PIGN: variants seen among roughly 807,000 people sequenced by gnomAD.
PIGN encodes the protein phosphatidylinositol glycan anchor biosynthesis class N.
Under a neutral mutation model 125.4 loss-of-function variants are expected in PIGN, and 117 were observed. That is an observed-to-expected ratio of 0.93 (90% CI 0.80 to 1.09). PIGN has a LOEUF of 1.09. Ranked by LOEUF, PIGN falls within the 50% of genes least tolerant of loss-of-function variation. The pLI, the probability that PIGN is intolerant of heterozygous loss-of-function variation, is 0.00. For synonymous variants in PIGN, 392 were observed against 377.8 expected, an observed-to-expected ratio of 1.04 and a Z score of -0.44; for missense variants, 1,075 against 1,094.9, an observed-to-expected ratio of 0.98 and a Z score of 0.26.
chr18:62,097,073 G>A (rs1310890288), intron 22 of PIGN, among the ~76,000 whole-genome samples: 1 of 151,164 alleles, frequency 6.6e-6, no homozygotes, highest in Non-Finnish European at 1.5e-5. Flanking sequence ...ATTGACAAAT[G>A]GGATCTAATT....
rs546159186 is a variant in PIGN at position 62,172,713 on chromosome 18, A to G, written c.-235-9057T>C. Among the ~76,000 whole-genome samples the G allele has an allele frequency of 2.0e-5, 3 of 152,342 alleles. No homozygotes were observed. The East Asian group carries it at 5.8e-4, about 29-fold the overall frequency. On this transcript the variant is annotated intron_variant, in intron 1 of 30. Coordinates refer to ENST00000640252, the MANE Select transcript of PIGN (RefSeq NM_176787.5). ...ACTGCACTGCTTTGCTAAGTTAAGTATCAAAGTTTATGTGTTAAAAGATAA... is the reference window on the plus strand; with the variant it reads ...ACTGCACTGCTTTGCTAAGTTAAGTGTCAAAGTTTATGTGTTAAAAGATAA...
intron 30 of PIGN, among the ~76,000 whole-genome samples, chr18:62,057,359 C>T (rs1340072151): frequency 6.6e-6 from 1 of 152,184 alleles, no homozygotes; most frequent in Non-Finnish European, 1.5e-5. Flanking sequence ...CTCAGTTACT[C>T]AAGATTAAAA....
Position 62,063,208 on chromosome 18 carries a change from T to TCCAAAATCTATGGTTTTATAGATTTTAG in PIGN, c.2672+9464_2672+9465insCTAAAATCTATAAAACCATAGATTTTGG, listed in dbSNP as rs1568131889. On this transcript the variant is annotated intron_variant, in intron 30 of 30. Coordinates refer to ENST00000640252, the MANE Select transcript of PIGN (RefSeq NM_176787.5). ...AGGCTATTTTCTAGAAATTTCTTTATCCAAAATCTATGGTTTTATAGATTT... is the reference window on the plus strand; with the variant it reads ...AGGCTATTTTCTAGAAATTTCTTTATCCAAAATCTATGGTTTTATAGATTTTAGCCAAAATCTATGGTTTTATAGATTT... 1.4e-4 allele frequency among the ~76,000 whole-genome samples: 20 copies of TCCAAAATCTATGGTTTTATAGATTTTAG among 147,310 alleles called. 1 individual carries two copies. Among genetic ancestry groups the TCCAAAATCTATGGTTTTATAGATTTTAG allele is most frequent in the Admixed American group, 6.7e-5 (1 of 14,958 alleles).
intron 1 of PIGN, among the ~76,000 whole-genome samples, chr18:62,172,289 T>C (rs1015457271): frequency 6.6e-6 from 1 of 152,170 alleles, no homozygotes; most frequent in African/African-American, 2.4e-5. Context: ...CTTTTTCCTG[T>C]CCTGCAGTCC....
intron 14 of PIGN, chr18:62,118,482 A>C (rs2035172350): frequency 6.6e-6 from 1 of 152,104 alleles, no homozygotes; most frequent in Non-Finnish European, 1.5e-5. Context: ...AATTCTACAA[A>C]CTGTAACTCT....
rs552950894 is a variant in PIGN at position 62,029,109 on chromosome 18, C to T, written c.2143-11368G>A. On this transcript the variant is annotated intron_variant, in intron 23 of 24. Transcript: ENST00000639600. Reference sequence around the variant, plus strand: ...GCCTTCCATCTCTTTGTCTTCCTCCCATGGAATCCTGTGCAGCCATACAGT... The same window carrying T: ...GCCTTCCATCTCTTTGTCTTCCTCCTATGGAATCCTGTGCAGCCATACAGT... 4.6e-5 allele frequency among the ~76,000 whole-genome samples: 7 copies of T among 152,288 alleles called. No individual in the cohort carries two copies. In the South Asian group the frequency reaches 1.2e-3, roughly 27 times the overall value.
chr18:62,028,651 G>A (rs903962614), intron 23 of PIGN, among the ~76,000 whole-genome samples: 2 of 152,204 alleles, frequency 1.3e-5, no homozygotes, highest in African/African-American at 4.8e-5. Flanking sequence ...ATGCCATTGT[G>A]AAATGATCTA....
At chr18:62,106,739 C>A (rs1254662555) in intron 19 of PIGN, 50 bp downstream of exon 19, 2 of 1,222,994 alleles carry the variant, frequency 1.6e-6, no homozygotes, top group African/African-American at 3.0e-5. Flanking sequence ...ACACATGTGT[C>A]AAAACAAAGT....
chr18:62,182,204 A>C (rs2037741898), intron 1 of PIGN, among the ~76,000 whole-genome samples: 1 of 152,176 alleles, frequency 6.6e-6, no homozygotes, highest in African/African-American at 2.4e-5. Context: ...CTATCCTGGC[A>C]AGTTTCATCA....
At chr18:62,153,357 C>G (rs939987885) in intron 7 of PIGN, 1 of 152,046 alleles carries the variant, frequency 6.6e-6, no homozygotes, top group Non-Finnish European at 1.5e-5. Flanking sequence ...AAGTCATGTG[C>G]AAATCTTTTT....
chr18:62,177,156 G>A (rs927417323), intron 1 of PIGN, among the ~76,000 whole-genome samples: 1 of 152,082 alleles, frequency 6.6e-6, no homozygotes, highest in African/African-American at 2.4e-5. Context: ...AAAAGCTTAT[G>A]AATTAAAGAT....
At chr18:62,068,287 C>T (rs1270210564) in intron 30 of PIGN, among the ~76,000 whole-genome samples, 6 of 152,140 alleles carry the variant, frequency 3.9e-5, no homozygotes, top group African/African-American at 1.4e-4. Flanking sequence ...CTCCTCCTTC[C>T]ACATTACTGT....
chr18:62,125,851 A>T (rs941004174), intron 14 of PIGN, among the ~76,000 whole-genome samples: 1 of 152,122 alleles, frequency 6.6e-6, no homozygotes, highest in Non-Finnish European at 1.5e-5. Flanking sequence ...TAAATATTTT[A>T]AAATACGAAT....
chr18:62,048,852 C>T (rs1342474189), intron 30 of PIGN, among the ~76,000 whole-genome samples: 1 of 142,190 alleles, frequency 7.0e-6, no homozygotes, highest in Non-Finnish European at 1.5e-5. Flanking sequence ...TCCCTCCCCC[C>T]TCCCCCTACC....
intron 3 of PIGN, among the ~76,000 whole-genome samples, chr18:62,161,837 T>C (rs2036963354): frequency 6.6e-6 from 1 of 152,206 alleles, no homozygotes; most frequent in African/African-American, 2.4e-5. Context: ...TTTAAATCAG[T>C]TATAATTATT....
chr18:62,034,174 A>T (rs1357631440), intron 23 of PIGN, among the ~76,000 whole-genome samples: 2 of 152,240 alleles, frequency 1.3e-5, no homozygotes, highest in African/African-American at 4.8e-5. Flanking sequence ...ATAAAATAGC[A>T]AACATTTTAA....
At chr18:62,086,289 G>A (rs1023671802) in intron 25 of PIGN, among the ~76,000 whole-genome samples, 1 of 152,188 alleles carries the variant, frequency 6.6e-6, no homozygotes, top group African/African-American at 2.4e-5. Flanking sequence ...GGTGAAAGAT[G>A]AAGCAAGAAA....
chr18:62,047,620 A>G (rs528052376), intron 30 of PIGN, among the ~76,000 whole-genome samples: 1 of 152,280 alleles, frequency 6.6e-6, no homozygotes, highest in East Asian at 1.9e-4. Flanking sequence ...TCGGGTGCCA[A>G]TGGAGGCTGC....
intron 27 of PIGN, 54 bp from the exon 28 acceptor site, chr18:62,082,800 T>C: frequency 1.0e-6 from 1 of 957,466 alleles, no homozygotes; most frequent in Non-Finnish European, 1.6e-6. Context: ...TGAAACACTT[T>C]TTGAAAAAAA....
Sources: gnomAD v4.1 joint callset for allele counts (sites outside exome capture counted in the v4.1 genomes callset) on GRCh38, gnomAD v4.1.1 for gene constraint, MANE v1.5 for transcripts, NCBI Gene and HGNC (gene_info 2026-07-23, HGNC 2026-07-21) for gene names.